PID1: variants seen among roughly 807,000 people sequenced by gnomAD.
PID1 encodes the protein PTB-containing, cubilin and LRP1-interacting protein.
PID1 carries 10 observed loss-of-function variants against 19.1 expected under a neutral mutation model. That is an observed-to-expected ratio of 0.52 (90% CI 0.32 to 0.89). The LOEUF is 0.89. Among genes scored for constraint, PID1 ranks in the 40% least tolerant of loss-of-function variants. The probability of loss-of-function intolerance (pLI) is 0.03; values close to 1 mark genes in which losing one functional copy is unlikely to be tolerated. For missense variants in PID1, 248 were observed against 285.3 expected, an observed-to-expected ratio of 0.87 and a Z score of 0.94; for synonymous variants, 130 against 116.0, an observed-to-expected ratio of 1.12 and a Z score of -0.78.
At chr2:229,175,509 T>C (rs1014244561) in intron 1 of PID1, among the ~76,000 whole-genome samples, 1 of 152,234 alleles carries the variant, frequency 6.6e-6, no homozygotes, top group Non-Finnish European at 1.5e-5. Flanking sequence ...CAAGTCTCCC[T>C]GAACAACATT....
chr2:229,222,689 A>G (rs181633301), intron 1 of PID1, among the ~76,000 whole-genome samples: 17 of 152,328 alleles, frequency 1.1e-4, no homozygotes, highest in Middle Eastern at 3.4e-3. Flanking sequence ...AAGGTTGAGT[A>G]GGAAAGAATT....
chr2:229,055,124 C>G (rs922435186), intron 2 of PID1, among the ~76,000 whole-genome samples: 1 of 152,160 alleles, frequency 6.6e-6, no homozygotes. Flanking sequence ...ACCTGCCATT[C>G]ATCATTGGTG....
chr2:229,124,496 T>C (rs116135457), intron 2 of PID1, among the ~76,000 whole-genome samples: 1 of 152,182 alleles, frequency 6.6e-6, no homozygotes, highest in South Asian at 2.1e-4. Flanking sequence ...TGAGATTATA[T>C]CTGTGGCAAT....
intron 1 of PID1, among the ~76,000 whole-genome samples, chr2:229,195,690 A>G (rs911844270): frequency 1.1e-4 from 16 of 151,988 alleles, no homozygotes; most frequent in Admixed American, 9.2e-4. Context: ...GCATATATAC[A>G]TGGACAAGCA....
intron 2 of PID1, among the ~76,000 whole-genome samples, chr2:229,117,005 G>C (rs1176693721): frequency 1.3e-5 from 2 of 151,998 alleles, no homozygotes. Flanking sequence ...GGACCTCTTC[G>C]CTTCTCATGT....
At chr2:229,171,411 C>G (rs576028667) in intron 1 of PID1, among the ~76,000 whole-genome samples, 1 of 152,168 alleles carries the variant, frequency 6.6e-6, no homozygotes, top group African/African-American at 2.4e-5. Context: ...CTGTTCTACA[C>G]GTTATCTTTA....
At chr2:229,268,411 T>A (rs571269340) in intron 1 of PID1, among the ~76,000 whole-genome samples, 2 of 152,330 alleles carry the variant, frequency 1.3e-5, no homozygotes, top group African/African-American at 2.4e-5. Flanking sequence ...GGACACAGAC[T>A]TCTCAAACCA....
intron 2 of PID1, among the ~76,000 whole-genome samples, chr2:229,066,585 C>T (rs1230285593): frequency 6.6e-6 from 1 of 151,972 alleles, no homozygotes; most frequent in African/African-American, 2.4e-5. Context: ...TATGCTGAGT[C>T]GTTTTTACAA....
At position 229,123,067 on chromosome 2, in the gene PID1, T is replaced by C. The variant is rs374367283; in HGVS notation, c.177+32751A>G. Among the ~76,000 whole-genome samples the C allele has an allele frequency of 1.6e-4, 24 of 152,318 alleles. No homozygotes were observed. The South Asian group carries it at 3.7e-3, about 24-fold the overall frequency. On this transcript the variant is annotated intron_variant, in intron 2 of 2. Coordinates refer to ENST00000392055, the MANE Select transcript of PID1 (RefSeq NM_001100818.2). ...CACTTATTTAGAATATACAATTCAA[T>C]TGCTTTTAGTTTACTTCCAGAGTTG...
At chr2:229,200,239 A>G (rs1691469054) in intron 1 of PID1, among the ~76,000 whole-genome samples, 1 of 151,974 alleles carries the variant, frequency 6.6e-6, no homozygotes. Flanking sequence ...TTAATACTAG[A>G]ATTCCTTCTC....
chr2:229,193,787 A>T (rs1317916604), intron 1 of PID1, among the ~76,000 whole-genome samples: 1 of 151,744 alleles, frequency 6.6e-6, no homozygotes, highest in Non-Finnish European at 1.5e-5. Context: ...TTATTGGGAA[A>T]AAAAAAAAAG....
chr2:229,079,913 G>A (rs1448725396), intron 2 of PID1, among the ~76,000 whole-genome samples: 1 of 152,226 alleles, frequency 6.6e-6, no homozygotes, highest in Non-Finnish European at 1.5e-5. Context: ...TGGCAGGGGA[G>A]GAAGGAGATG....
intron 2 of PID1, among the ~76,000 whole-genome samples, chr2:229,072,447 G>A (rs1694475330): frequency 6.6e-6 from 1 of 152,130 alleles, no homozygotes; most frequent in East Asian, 1.9e-4. Context: ...AATTAGCTGG[G>A]CATAGTGGCA....
rs113683253 is a variant in PID1, at chr2:229,125,557, C to T, written c.177+30261G>A. Among the ~76,000 whole-genome samples, 295 of 152,238 alleles carry T rather than the reference C, an allele frequency of 1.9e-3. 1 individual carries two copies. Among genetic ancestry groups the T allele is most frequent in the African/African-American group, 6.2e-3 (256 of 41,548 alleles). On this transcript the variant is annotated intron_variant, in intron 2 of 2. Coordinates refer to ENST00000392055, the MANE Select transcript of PID1 (RefSeq NM_001100818.2). ...TCTGCTGCTTGGAACATGACAAAAA[C>T]ATCAAGAAAAAACTGTTCAGATTAC...
intron 2 of PID1, among the ~76,000 whole-genome samples, chr2:229,077,817 A>T (rs1694590933): frequency 6.6e-6 from 1 of 152,182 alleles, no homozygotes; most frequent in Non-Finnish European, 1.5e-5. Flanking sequence ...GTCAGGTAGC[A>T]TGATGCCTCC....
At chr2:229,087,543 C>T (rs552303483) in intron 2 of PID1, among the ~76,000 whole-genome samples, 3 of 152,166 alleles carry the variant, frequency 2.0e-5, no homozygotes, top group Admixed American at 1.3e-4. Flanking sequence ...AACTCAGCAG[C>T]CTTTATGTAC....
chr2:229,099,338 G>A (rs16825720), intron 2 of PID1, among the ~76,000 whole-genome samples: 11,355 of 152,236 alleles, frequency 0.075, 491 homozygotes, highest in African/African-American at 0.11. Flanking sequence ...GGCAGCAGAT[G>A]TAATTTTCAT....
chr2:229,032,578 C>T (rs1453535859), intron 2 of PID1, among the ~76,000 whole-genome samples: 1 of 152,178 alleles, frequency 6.6e-6, no homozygotes, highest in Non-Finnish European at 1.5e-5. Context: ...TGAGCCTTCA[C>T]CACCCAGGGT....
intron 2 of PID1, among the ~76,000 whole-genome samples, chr2:229,034,489 C>A (rs1016404947): frequency 6.6e-6 from 1 of 152,202 alleles, no homozygotes; most frequent in African/African-American, 2.4e-5. Context: ...ACCTGGCTCA[C>A]ATTTGCCACA....
Sources: allele counts gnomAD v4.1 joint callset (sites outside exome capture counted in the v4.1 genomes callset), GRCh38; gene constraint gnomAD v4.1.1; transcripts MANE v1.5; gene names NCBI Gene and HGNC (gene_info 2026-07-23, HGNC 2026-07-21).